Variants in FANCL observed in about 807,000 individuals in gnomAD.
FANCL encodes the protein FA complementation group L, also known as E3 ubiquitin-protein ligase FANCL.
In FANCL, 69 loss-of-function variants were observed where a neutral mutation model predicts 59.4. The ratio of observed to expected loss-of-function variants is 1.16; its 90% CI spans 0.96 to 1.42. The LOEUF is 1.42. Ranked by LOEUF, FANCL falls within the 40% of genes most tolerant of loss-of-function variation. FANCL has a pLI of 0.00. For synonymous variants in FANCL, 180 were observed against 147.1 expected, an observed-to-expected ratio of 1.22 and a Z score of -1.62; for missense variants, 519 against 447.2, an observed-to-expected ratio of 1.16 and a Z score of -1.45.
chr2:58,221,014 C>G (rs528636870), intron 5 of FANCL, among the ~76,000 whole-genome samples: 1 of 151,930 alleles, frequency 6.6e-6, no homozygotes, highest in African/African-American at 2.4e-5. Flanking sequence ...AGATCGAGAC[C>G]GATCCTGGCT....
At chr2:58,170,694 C>CA (rs145444832) in intron 7 of FANCL, among the ~76,000 whole-genome samples, 22,160 of 97,740 alleles carry the variant, frequency 0.23, 2,020 homozygotes, top group African/African-American at 0.34. Flanking sequence ...AAATGGAAAG[C>CA]AAAAAAAAAA....
At chr2:58,188,003 C>G (rs557436280) in intron 7 of FANCL, among the ~76,000 whole-genome samples, 2 of 152,242 alleles carry the variant, frequency 1.3e-5, no homozygotes, top group East Asian at 3.9e-4. Flanking sequence ...TCTGCCTAGC[C>G]TAGAGTTACA....
At chr2:58,226,685 C>T (rs779198812) in intron 4 of FANCL, 43 bp downstream of exon 4, 7 of 1,416,230 alleles carry the variant, frequency 4.9e-6, no homozygotes, top group Non-Finnish European at 7.0e-6. Flanking sequence ...GAAATCAAGA[C>T]TTGCAGTATG....
At chr2:58,179,790 G>A (rs1344855813) in intron 7 of FANCL, among the ~76,000 whole-genome samples, 1 of 151,988 alleles carries the variant, frequency 6.6e-6, no homozygotes, top group Non-Finnish European at 1.5e-5. Context: ...GAGTGAACAG[G>A]CAATCTACAT....
intron 9 of FANCL, 178 bp downstream of exon 9, chr2:58,163,256 T>C (rs910432846): frequency 6.2e-5 from 46 of 736,150 alleles, no homozygotes; most frequent in Non-Finnish European, 1.0e-4. Flanking sequence ...TAACTATCAT[T>C]ATTGCGGTGA....
intron 7 of FANCL, among the ~76,000 whole-genome samples, chr2:58,173,337 G>A (rs1686881849): frequency 1.3e-5 from 2 of 152,192 alleles, no homozygotes; most frequent in South Asian, 4.1e-4. Flanking sequence ...ATAATTGTCA[G>A]ATTCACCAAA....
At chr2:58,218,125 T>C (rs527439353) in intron 5 of FANCL, among the ~76,000 whole-genome samples, 146 of 152,158 alleles carry the variant, frequency 9.6e-4, no homozygotes, top group South Asian at 1.9e-3. Context: ...TTTTAACTGA[T>C]AGTAATAGAA....
intron 8 of FANCL, among the ~76,000 whole-genome samples, chr2:58,165,407 T>G (rs1324718536): frequency 2.0e-5 from 3 of 152,182 alleles, no homozygotes; most frequent in Admixed American, 6.6e-5. Flanking sequence ...TTATTCTGAC[T>G]TTTTTCTTGT....
At chr2:58,231,879 G>A (rs1693617623) in intron 2 of FANCL, among the ~76,000 whole-genome samples, 175 bp downstream of exon 2, 1 of 152,036 alleles carries the variant, frequency 6.6e-6, no homozygotes, top group African/African-American at 2.4e-5. Context: ...TTAGTAACAG[G>A]TAAATATTTA....
At chr2:58,165,025 AAG>A in intron 8 of FANCL, among the ~76,000 whole-genome samples, 2 of 152,262 alleles carry the variant, frequency 1.3e-5, no homozygotes, top group African/African-American at 4.8e-5. Context: ...TTTAGAAAAA[AAG>A]AAATGGGTAT....
chr2:58,180,859 C>T (rs560137188), intron 7 of FANCL, among the ~76,000 whole-genome samples: 16 of 151,378 alleles, frequency 1.1e-4, no homozygotes, highest in Non-Finnish European at 2.2e-4. Flanking sequence ...AAAAAGAAAT[C>T]GAAACTTTTC....
At chr2:58,170,515 C>A (rs527940840) in intron 7 of FANCL, among the ~76,000 whole-genome samples, 1 of 152,172 alleles carries the variant, frequency 6.6e-6, no homozygotes, top group African/African-American at 2.4e-5. Flanking sequence ...ATGACAGGAT[C>A]AAATTTACAC....
At chr2:58,217,203 TATATATATATATACACAC>T (rs1233557556) in intron 5 of FANCL, among the ~76,000 whole-genome samples, 356 of 8,654 alleles carry the variant, frequency 0.041, 1 homozygote, top group South Asian at 0.061. Context: ...TATATATATA[TATATATATATATACACAC>T]ACACACACAC....
intron 7 of FANCL, among the ~76,000 whole-genome samples, chr2:58,173,083 G>C (rs1686849218): frequency 6.6e-6 from 1 of 152,110 alleles, no homozygotes. Context: ...GGGAAGCTTA[G>C]AGAAAAAAGA....
chr2:58,237,659 A>C (rs773424134), intron 1 of FANCL, among the ~76,000 whole-genome samples: 95 of 152,186 alleles, frequency 6.2e-4, no homozygotes, highest in Admixed American at 8.5e-4. Context: ...ATAAACCTCT[A>C]TCTAGATGTA....
chr2:58,216,421 G>C (rs1193821367), intron 5 of FANCL, among the ~76,000 whole-genome samples: 1 of 151,892 alleles, frequency 6.6e-6, no homozygotes, highest in Non-Finnish European at 1.5e-5. Flanking sequence ...AATAGCCAAG[G>C]GCAAATGCAG....
intron 5 of FANCL, among the ~76,000 whole-genome samples, chr2:58,217,591 A>G (rs998383088): frequency 5.3e-5 from 8 of 152,060 alleles, no homozygotes; most frequent in African/African-American, 1.7e-4. Flanking sequence ...ATATTTCTAG[A>G]GATGAAAAGA....
chr2:58,173,621 G>C (rs1227416941), intron 7 of FANCL, among the ~76,000 whole-genome samples: 6 of 152,080 alleles, frequency 3.9e-5, no homozygotes, highest in Non-Finnish European at 8.8e-5. Context: ...TGCCCGAAAA[G>C]AGCTCCTGAA....
chr2:58,221,941 C>T lies in FANCL; in HGVS notation c.374+1G>A. The T allele has an allele frequency of 4.4e-6, 7 of 1,600,660 alleles. No individual in the cohort carries two copies. The highest frequency in any genetic ancestry group is 5.1e-6 in the Non-Finnish European group (6 of 1,168,042). ...TAAAACATATTTTAAAACAGACATA[C>T]TTATCCCAACCAAGAGTTCCTATCT... On this transcript the variant is annotated splice_donor_variant, in intron 5 of 13. Transcript: ENST00000233741. LOFTEE classifies it high-confidence loss of function.
Sources: gnomAD v4.1 joint callset for allele counts (sites outside exome capture counted in the v4.1 genomes callset) on GRCh38, gnomAD v4.1.1 for gene constraint, MANE v1.5 for transcripts, NCBI Gene and HGNC (gene_info 2026-07-23, HGNC 2026-07-21) for gene names.